The following PAPPA2 variants were observed in gnomAD, a reference collection of about 807,000 sequenced individuals.
PAPPA2 encodes pappalysin 2, also known as pappalysin-2.
PAPPA2 carries 86 observed loss-of-function variants against 176.4 expected under a neutral mutation model. The ratio of observed to expected loss-of-function variants is 0.49; its 90% CI spans 0.41 to 0.58. PAPPA2 has a LOEUF of 0.58. PAPPA2 is among the 20% of genes least tolerant of loss of function. PAPPA2 has a pLI of 0.00. For synonymous variants in PAPPA2, 809 were observed against 852.2 expected (o/e 0.95, Z 0.88); for missense variants, 2,073 against 2,256.9 (o/e 0.92, Z 1.65).
intron 3 of PAPPA2, among the ~76,000 whole-genome samples, chr1:176,602,590 T>A (rs1279179636): frequency 6.6e-6 from 1 of 152,094 alleles, no homozygotes; most frequent in Non-Finnish European, 1.5e-5. Context: ...ATTATAGGTT[T>A]CTTTTGAAGT....
rs572553652 is a variant in PAPPA2 at position 176,512,648 on chromosome 1, T to C, written c.-916-42759T>C. 2.0e-5 allele frequency among the ~76,000 whole-genome samples: 3 copies of C among 152,298 alleles called. No homozygotes were observed. The South Asian group carries it at 6.2e-4, about 32-fold the overall frequency. ...AACATGAGAAAGCTTTTTAGGGTGA[T>C]GAAAATAGTCTACATTTTTATTAAT... On this transcript the variant is annotated intron_variant, in intron 1 of 22. Transcript: ENST00000367662.
chr1:176,685,377 A>G (rs1659789023), intron 4 of PAPPA2, among the ~76,000 whole-genome samples: 1 of 152,156 alleles, frequency 6.6e-6, no homozygotes, highest in Non-Finnish European at 1.5e-5. Context: ...CAATACTTTT[A>G]CAGTGCCAGC....
intron 1 of PAPPA2, among the ~76,000 whole-genome samples, chr1:176,552,332 T>TC (rs1216333789): frequency 7.2e-5 from 9 of 124,150 alleles, no homozygotes; most frequent in African/African-American, 1.2e-4. Flanking sequence ...ATCTCTCCCC[T>TC]CCCCCTCGCC....
intron 2 of PAPPA2, among the ~76,000 whole-genome samples, chr1:176,562,681 G>A (rs1651743932): frequency 6.6e-6 from 1 of 152,238 alleles, no homozygotes; most frequent in African/African-American, 2.4e-5. Flanking sequence ...AGGGCTTGCT[G>A]TTGGTTTCTG....
At chr1:176,802,584 C>G (rs1042937881) in intron 21 of PAPPA2, among the ~76,000 whole-genome samples, 1 of 152,140 alleles carries the variant, frequency 6.6e-6, no homozygotes, top group Non-Finnish European at 1.5e-5. Context: ...GCACAGAAAT[C>G]TGAGCTCAAA....
intron 2 of PAPPA2, among the ~76,000 whole-genome samples, chr1:176,573,580 TTCTCTCTCTCTG>T (rs1652477836): frequency 6.6e-6 from 1 of 152,170 alleles, no homozygotes; most frequent in Admixed American, 6.5e-5. Context: ...AAGTTTCTCT[TTCTCTCTCTCTG>T]TCTCTCTCTC....
chr1:176,607,176 C>T (rs1480564246), intron 3 of PAPPA2, among the ~76,000 whole-genome samples: 1 of 151,892 alleles, frequency 6.6e-6, no homozygotes, highest in African/African-American at 2.4e-5. Context: ...TTCGAGGTAT[C>T]CATCACTTTG....
intron 14 of PAPPA2, among the ~76,000 whole-genome samples, chr1:176,763,963 C>T (rs1663813042): frequency 6.6e-6 from 1 of 152,168 alleles, no homozygotes; most frequent in African/African-American, 2.4e-5. Flanking sequence ...GTGCAAGAAG[C>T]ATGACGCTGG....
intron 1 of PAPPA2, among the ~76,000 whole-genome samples, chr1:176,468,510 G>T (rs375344689): frequency 1.3e-5 from 2 of 152,120 alleles, no homozygotes; most frequent in Non-Finnish European, 2.9e-5. Context: ...TGCTGGCAAA[G>T]TGGTCAGGGA....
At chr1:176,687,783 G>C (rs905450387) in intron 4 of PAPPA2, among the ~76,000 whole-genome samples, 2 of 151,902 alleles carry the variant, frequency 1.3e-5, no homozygotes, top group Admixed American at 1.3e-4. Context: ...GTTGGATTGT[G>C]CTCTGAGACA....
In PAPPA2 at chr1:176,752,342, TAAAA is replaced by T. The variant is rs58591760; in HGVS notation, c.4151+12166_4151+12169del. Among the ~76,000 whole-genome samples the T allele has an allele frequency of 4.1e-3, 399 of 96,490 alleles. 2 individuals are homozygous for T. Among genetic ancestry groups the T allele is most frequent in the South Asian group, 9.4e-3 (25 of 2,668 alleles). The allele number at this position is 96,490 out of a possible 152,430, so 63.3% of individuals were successfully genotyped here. A position where few individuals can be genotyped will look rare whatever the true frequency, so the allele number is the denominator to read the frequency against. ...ATGTACCCTAAAACTTAGAGTATAA[TAAAA>T]AAAAAAAAAAAAAAAAAAACATTTA... On this transcript the variant is annotated intron_variant, in intron 14 of 22. Transcript: ENST00000367662.
chr1:176,647,672 TC>T (rs1206705191), intron 3 of PAPPA2, among the ~76,000 whole-genome samples: 1 of 151,784 alleles, frequency 6.6e-6, no homozygotes, highest in African/African-American at 2.4e-5. Context: ...GAAGAGACTG[TC>T]CTTTCCCTAT....
intron 3 of PAPPA2, among the ~76,000 whole-genome samples, chr1:176,642,237 A>G (rs1408642689): frequency 6.6e-6 from 1 of 151,920 alleles, no homozygotes; most frequent in Admixed American, 6.6e-5. Context: ...TTAAATAACA[A>G]TAATTGCAAA....
At position 176,556,487 on chromosome 1, in the gene PAPPA2, G is replaced by T; in HGVS notation, c.165G>T (p.Lys55Asn). The change falls in exon 2 of 23, where the codon AAG becomes AAT. Residue 55 changes from lysine to asparagine, a missense_variant. By Grantham distance (94) the Lys-to-Asn change is moderately conservative. Around this residue, in one of 4 missense-constraint regions of PAPPA2, gnomAD observed 1,196 missense variants for 1,330.4 expected, o/e 0.90. Transcript: ENST00000367662. Reference protein sequence around the residue: ...LEGERCWLGAKVRRPRASPQH... With the variant: ...LEGERCWLGANVRRPRASPQH... ...GAGAACGTTGTTGGCTGGGGGCCAA[G>T]GTTCGAAGACCCAGAGCTTCTCCAC... 1 of 1,614,172 alleles carries T rather than the reference G, an allele frequency of 6.2e-7. No homozygotes were observed. Among genetic ancestry groups the T allele is most frequent in the Non-Finnish European group, 8.5e-7 (1 of 1,180,032 alleles).
At chr1:176,527,504 C>T (rs1649562836) in intron 1 of PAPPA2, among the ~76,000 whole-genome samples, 2 of 152,144 alleles carry the variant, frequency 1.3e-5, no homozygotes, top group African/African-American at 4.8e-5. Flanking sequence ...GTCTTTTTCT[C>T]CCTGTATGCC....
At chr1:176,727,245 A>G (rs1182147574) in intron 12 of PAPPA2, among the ~76,000 whole-genome samples, 1 of 152,108 alleles carries the variant, frequency 6.6e-6, no homozygotes, top group Non-Finnish European at 1.5e-5. Flanking sequence ...ACATTATTTA[A>G]ATTATCTAAA....
At chr1:176,740,432 G>A (rs1662623469) in intron 14 of PAPPA2, among the ~76,000 whole-genome samples, 1 of 152,090 alleles carries the variant, frequency 6.6e-6, no homozygotes, top group South Asian at 2.1e-4. Flanking sequence ...AATATTTAAT[G>A]TCTTTACAAG....
chr1:176,557,525 T>C (rs1214405499), intron 2 of PAPPA2, among the ~76,000 whole-genome samples: 1 of 152,290 alleles, frequency 6.6e-6, no homozygotes, highest in Admixed American at 6.5e-5. Flanking sequence ...CTCTCTTACC[T>C]GTCTTTAAAG....
chr1:176,707,206 T>A (rs1314494524), intron 10 of PAPPA2, among the ~76,000 whole-genome samples: 1 of 152,170 alleles, frequency 6.6e-6, no homozygotes, highest in Non-Finnish European at 1.5e-5. Context: ...CATTTAAAAA[T>A]ATTTTAATGT....
Sources: gnomAD v4.1 joint callset for allele counts (sites outside exome capture counted in the v4.1 genomes callset) on GRCh38, gnomAD v4.1.1 for gene constraint, gnomAD v4.1.1 regional missense constraint, MANE v1.5 for transcripts, NCBI Gene and HGNC (gene_info 2026-07-23, HGNC 2026-07-21) for gene names.